MBOAT4: variants seen among roughly 807,000 people sequenced by gnomAD.
MBOAT4 encodes membrane-bound ghrelin O-acyltransferase MBOAT4.
A neutral mutation model predicts 13.2 loss-of-function variants in MBOAT4; 11 were observed. The ratio of observed to expected loss-of-function variants is 0.84; its 90% CI spans 0.53 to 1.38. The LOEUF is 1.38. Ranked by LOEUF, MBOAT4 falls within the 40% of genes most tolerant of loss-of-function variation. The probability of loss-of-function intolerance (pLI) is 0.00; values close to 1 mark genes in which losing one functional copy is unlikely to be tolerated. For missense variants in MBOAT4, 481 were observed against 527.2 expected (o/e 0.91, Z 0.86); for synonymous variants, 202 against 210.3 (o/e 0.96, Z 0.34).
chr8:30,143,059 A>G (rs1225253320), intron 1 of MBOAT4, among the ~76,000 whole-genome samples: 1 of 152,204 alleles, frequency 6.6e-6, no homozygotes, highest in African/African-American at 2.4e-5. Flanking sequence ...ACTCTTGGGT[A>G]CTGTGCTCAC....
chr8:30,144,499 A>G lies in MBOAT4; in HGVS notation c.103T>C (p.Phe35Leu). The change falls in exon 1 of 3, where the codon TTC becomes CTC. Residue 35 changes from phenylalanine (F) to leucine (L), a missense_variant. Physicochemically the swap from Phe to Leu is conservative, Grantham distance 22 (BLOSUM62 0). Coordinates refer to ENST00000320542, the MANE Select transcript of MBOAT4 (RefSeq NM_001100916.2). ...CCAGCCTACCTGGCACGAGTGGAGA[A>G]TGAATCCATGATGCAGAGATAATTG... is the stretch of plus-strand genomic sequence containing the variant. ...LFNYLCIMDS[F>L]STRARYLFLL... The G allele has an allele frequency of 1.3e-6, 2 of 1,550,084 alleles. No individual in the cohort carries two copies. The highest frequency in any genetic ancestry group is 8.7e-7 in the Non-Finnish European group (1 of 1,145,600).
intron 1 of MBOAT4, among the ~76,000 whole-genome samples, chr8:30,142,001 G>C (rs1307042879): frequency 6.6e-6 from 1 of 151,966 alleles, no homozygotes; most frequent in African/African-American, 2.4e-5. Flanking sequence ...CCCTGCTATG[G>C]GAAAACAAAA....
In MBOAT4 at chr8:30,137,770, C is replaced by A. The variant is rs1585486378; in HGVS notation, c.344+762G>T. The A allele has an allele frequency of 9.3e-6, 4 of 431,370 alleles. No homozygotes were observed. The East Asian group carries it at 1.6e-4, about 18-fold the overall frequency. The allele number at this position is 431,370 out of a possible 1,614,324, so 26.7% of individuals were successfully genotyped here. The stretch of plus-strand genomic sequence containing the variant: ...AATCACAGACCTTTCCCAAAACAAA[C>A]CCCCTTCTTGCCTGGAAACTAGACT... On this transcript the variant is annotated intron_variant, in intron 2 of 2. Transcript: ENST00000320542.
In MBOAT4 at chr8:30,131,990, A is replaced by C; in HGVS notation, c.1261T>G (p.Cys421Gly). Residue 421 changes from cysteine to glycine, a missense_variant, in exon 3 of 3, where the codon TGT becomes GGT. By Grantham distance (159) the Cys-to-Gly change is radical (BLOSUM62 -3). Transcript: ENST00000320542. ...SYNSVFPMVY[C>G]ILLLLLAKRK... ...TTCGCCAATAGCAAAAGCAGAATAC[A>C]GTACACCATGGGAAAGACACTGTTG... 6.4e-7 allele frequency: 1 copy of C among 1,552,158 alleles called. No individual in the cohort carries two copies. The highest frequency in any genetic ancestry group is 8.7e-7 in the Non-Finnish European group (1 of 1,147,100).
Position 30,144,648 on chromosome 8 carries a change from A to AC in MBOAT4, c.-48_-47insG, listed in dbSNP as rs1803320244. ...CTGTCTTTTCCAGTGTCCTTAACTG[A>AC]TGCCTTCCTCCAAGAGTAATCTCAA... On this transcript the variant is annotated 5_prime_UTR_variant, in exon 1 of 3. Coordinates refer to ENST00000320542, the MANE Select transcript of MBOAT4 (RefSeq NM_001100916.2). 1 of 1,257,820 alleles carries AC rather than the reference A, an allele frequency of 8.0e-7. No individual in the cohort carries two copies. Among genetic ancestry groups the AC allele is most frequent in the Admixed American group, 2.2e-5 (1 of 44,482 alleles). 77.9% of individuals were successfully genotyped at this position (1,257,820 alleles called of 1,614,324 possible).
At position 30,132,640 on chromosome 8, in the gene MBOAT4, G is replaced by A. The variant is rs140014094; in HGVS notation, c.611C>T (p.Ala204Val). The A allele has an allele frequency of 6.8e-4, 1,061 of 1,551,804 alleles. No homozygotes were observed. Among genetic ancestry groups the A allele is most frequent in the Non-Finnish European group, 8.8e-4 (1,009 of 1,147,012 alleles). The change falls in exon 3 of 3, where the codon GCT becomes GTT. Residue 204 changes from alanine to valine, a missense_variant. By Grantham distance (64) the Ala-to-Val change is moderately conservative. Transcript: ENST00000320542. ...SALHPRHSFWALSWRGLQILG... is the reference protein window; with the variant it reads ...SALHPRHSFWVLSWRGLQILG... ...AATCTGCAGACCCCTCCAGCTCAGAGCCCAGAAAGAGTGTCTGGGATGCAA... is the reference window on the plus strand; with the variant it reads ...AATCTGCAGACCCCTCCAGCTCAGAACCCAGAAAGAGTGTCTGGGATGCAA...
Position 30,131,970 on chromosome 8 carries a change from CA to C in MBOAT4, c.1280del (p.Leu427TrpfsTer18). 1 of 1,549,408 alleles carries C rather than the reference CA, an allele frequency of 6.5e-7. No individual in the cohort carries two copies. The highest frequency in any genetic ancestry group is 8.7e-7 in the Non-Finnish European group (1 of 1,145,216). On this transcript the variant is annotated frameshift_variant, in exon 3 of 3. Transcript: ENST00000320542. LOFTEE classifies it high-confidence loss of function. ...AGTTACATTTGTGCTTTCTCTTCGC[CA>C]ATAGCAAAAGCAGAATACAGTACAC... ...PMVYCILLLL[L>X]AKRKHKCN
In MBOAT4 at chr8:30,138,586, C is replaced by G; in HGVS notation, c.290G>C (p.Cys97Ser). The G allele has an allele frequency of 6.4e-7, 1 of 1,551,628 alleles. No individual in the cohort carries two copies. The highest frequency in any genetic ancestry group is 8.7e-7 in the Non-Finnish European group (1 of 1,146,986). The change falls in exon 2 of 3, where the codon TGT becomes TCT. Residue 97 changes from cysteine to serine, a missense_variant. Cys to Ser is a moderately radical substitution (Grantham distance 112). Transcript: ENST00000320542. ...FCFQMSWQTL[C>S]HLGLHYTEYY... ...CTCAGTGTAGTGCAGACCTAGGTGA[C>G]ACAAGGTCTGCCAGCTCATCTGAAA...
chr8:30,142,489 G>A (rs190348040), intron 1 of MBOAT4, among the ~76,000 whole-genome samples: 110 of 152,206 alleles, frequency 7.2e-4, no homozygotes, highest in African/African-American at 2.4e-3. Context: ...CTAAGTAGCC[G>A]GGACTACAGG....
chr8:30,143,489 G>A (rs1319988020), intron 1 of MBOAT4, among the ~76,000 whole-genome samples: 1 of 151,682 alleles, frequency 6.6e-6, no homozygotes, highest in African/African-American at 2.4e-5. Flanking sequence ...CACCATTTCT[G>A]TTCTATGTTC....
In MBOAT4 at chr8:30,138,754, T is replaced by C; in HGVS notation, c.122A>G (p.Tyr41Cys). The C allele has an allele frequency of 6.5e-7, 1 of 1,548,678 alleles. No individual in the cohort carries two copies. The highest frequency in any genetic ancestry group is 8.7e-7 in the Non-Finnish European group (1 of 1,146,246). The change falls in exon 2 of 3, where the codon TAC (tyrosine) becomes TGC (cysteine). Residue 41 changes from tyrosine (Y) to cysteine (C), a missense_variant and splice_region_variant. Transcript: ENST00000320542. ...ACCTCCTCCAGTCAGGAGAAAGAGG[T>C]ACCTGAAAGAGAAGGGACACCTTGG... ...IMDSFSTRAR[Y>C]LFLLTGGGAL... is the part of the protein sequence containing the mutation.
At chr8:30,135,270 TA>T (rs1445927937) in intron 2 of MBOAT4, among the ~76,000 whole-genome samples, 2 of 152,110 alleles carry the variant, frequency 1.3e-5, no homozygotes, top group African/African-American at 4.8e-5. Flanking sequence ...ATGGGGAAAT[TA>T]AACATTAGAG....
At chr8:30,139,168 G>A (rs1337131424) in intron 1 of MBOAT4, among the ~76,000 whole-genome samples, 2 of 147,864 alleles carry the variant, frequency 1.4e-5, no homozygotes, top group Admixed American at 6.7e-5. Context: ...GTGTCGCCCA[G>A]TCTCAAACTC....
intron 1 of MBOAT4, among the ~76,000 whole-genome samples, chr8:30,143,198 A>C (rs1239558310): frequency 1.3e-5 from 2 of 152,088 alleles, no homozygotes; most frequent in African/African-American, 4.8e-5. Context: ...TGTATTTCAA[A>C]TTAGCTGGGC....
rs149019082 is a variant in MBOAT4 at position 30,132,273 on chromosome 8, C to G, written c.978G>C (p.Pro326=). Reference sequence around the variant, plus strand: ...CAGAGAAGGCAAATGTCTGCAACAACGGCCAAGCCCTGCTGTGCTGGAATA... The same window carrying G: ...CAGAGAAGGCAAATGTCTGCAACAAGGGCCAAGCCCTGCTGTGCTGGAATA... ...RLVFQHSRAW[P]LLQTFAFSAW... is the part of the protein sequence containing the mutation. The change falls in exon 3 of 3, where the codon CCG becomes CCC. Residue 326 remains proline, a synonymous_variant. Coordinates refer to ENST00000320542, the MANE Select transcript of MBOAT4 (RefSeq NM_001100916.2). 18 of 1,551,780 alleles carry G rather than the reference C, an allele frequency of 1.2e-5. No individual in the cohort carries two copies. In the South Asian group the frequency reaches 2.1e-4, roughly 18 times the overall value.
At chr8:30,137,986 A>G (rs1803184039) in intron 2 of MBOAT4, 1 of 180,128 alleles carries the variant, frequency 5.6e-6, no homozygotes, top group Admixed American at 5.4e-5. Context: ...TACTACCCAG[A>G]CCGATAAACT....
Position 30,132,296 on chromosome 8 carries a change from A to G in MBOAT4, c.955T>C (p.Phe319Leu), listed in dbSNP as rs1803036282. ...STARWLRRLV[F>L]QHSRAWPLLQ... ...AACGGCCAAGCCCTGCTGTGCTGGA[A>G]TACAAGCCGTCGGAGCCATCGAGCT... is the stretch of plus-strand genomic sequence containing the variant. The change falls in exon 3 of 3, where the codon TTC (phenylalanine) becomes CTC (leucine). Residue 319 changes from phenylalanine (F) to leucine (L), a missense_variant. By Grantham distance (22) the Phe-to-Leu change is conservative. Coordinates refer to ENST00000320542, the MANE Select transcript of MBOAT4 (RefSeq NM_001100916.2). 1 of 1,551,780 alleles carries G rather than the reference A, an allele frequency of 6.4e-7. No homozygotes were observed. The highest frequency in any genetic ancestry group is 2.4e-5 in the East Asian group (1 of 40,920).
At chr8:30,136,090 C>T (rs1045789332) in intron 2 of MBOAT4, among the ~76,000 whole-genome samples, 4 of 152,106 alleles carry the variant, frequency 2.6e-5, no homozygotes, top group African/African-American at 7.2e-5. Context: ...AAGGTAGCCT[C>T]CAAATGCCAC....
chr8:30,137,246 A>C (rs1162559745), intron 2 of MBOAT4: 2 of 1,513,504 alleles, frequency 1.3e-6, no homozygotes, highest in Non-Finnish European at 1.8e-6. Flanking sequence ...CTAGACTGTA[A>C]TTAGCTCTTG....
Sources: allele counts gnomAD v4.1 joint callset (sites outside exome capture counted in the v4.1 genomes callset), GRCh38; gene constraint gnomAD v4.1.1; transcripts MANE v1.5; gene names NCBI Gene and HGNC (gene_info 2026-07-23, HGNC 2026-07-21).